Variants in TMEM132B observed in about 807,000 individuals in gnomAD.
The protein encoded by TMEM132B is transmembrane protein 132B.
In TMEM132B, 18 loss-of-function variants were observed where a neutral mutation model predicts 90.8. That is an observed-to-expected ratio of 0.20 (90% CI 0.14 to 0.29). TMEM132B has a LOEUF of 0.29. TMEM132B is among the 10% of genes least tolerant of loss of function. The pLI is 1.00. For missense variants in TMEM132B, 1,096 were observed against 1,326.8 expected (o/e 0.83, Z 2.70); for synonymous variants, 504 against 523.3 (o/e 0.96, Z 0.50).
intron 1 of TMEM132B, among the ~76,000 whole-genome samples, chr12:125,271,675 A>T (rs1782074706): frequency 6.6e-6 from 1 of 152,170 alleles, no homozygotes; most frequent in African/African-American, 2.4e-5. Flanking sequence ...GCATGTGCAC[A>T]GGTAGGAAGA....
chr12:125,622,635 T>G, intron 5 of TMEM132B: 5 of 985,444 alleles, frequency 5.1e-6, no homozygotes, highest in Non-Finnish European at 6.0e-6. Context: ...GAGTGTGAGT[T>G]TAGGTGTCCA....
intron 1 of TMEM132B, among the ~76,000 whole-genome samples, chr12:125,229,564 T>C (rs780135511): frequency 6.6e-6 from 1 of 152,244 alleles, no homozygotes; most frequent in Non-Finnish European, 1.5e-5. Context: ...TATCTATCTA[T>C]CTGTCATCTA....
chr12:125,616,018 A>G (rs1007254350), intron 5 of TMEM132B, among the ~76,000 whole-genome samples: 5 of 152,128 alleles, frequency 3.3e-5, no homozygotes, highest in African/African-American at 1.2e-4. Flanking sequence ...TACATGTGCC[A>G]TGCTGGTGTG....
rs1388987872 is a variant in TMEM132B, at chr12:125,415,269, G to A, written c.960-262G>A. On this transcript the variant is annotated intron_variant, in intron 2 of 8. Coordinates refer to ENST00000682704, the MANE Select transcript of TMEM132B (RefSeq NM_001366854.1). The surrounding 1 kb of genome is among the most constrained non-coding windows in gnomAD (Gnocchi z 5.3). ...GGATCCCTGGAGCAGCAAGTGATCT[G>A]GTTCCCAGCACACTGATTAAACAGA... 1.3e-5 allele frequency among the ~76,000 whole-genome samples: 2 copies of A among 152,196 alleles called. No individual in the cohort carries two copies. Among genetic ancestry groups the A allele is most frequent in the Non-Finnish European group, 2.9e-5 (2 of 68,040 alleles).
At chr12:125,548,448 A>G (rs1439022518) in intron 4 of TMEM132B, among the ~76,000 whole-genome samples, 1 of 152,188 alleles carries the variant, frequency 6.6e-6, no homozygotes. Context: ...TGACCCATTA[A>G]TAGATTGTGA....
At chr12:125,270,936 G>A (rs75054935) in intron 1 of TMEM132B, among the ~76,000 whole-genome samples, 2,802 of 148,198 alleles carry the variant, frequency 0.019, 53 homozygotes, top group Non-Finnish European at 0.027. Context: ...CAGGAACTTG[G>A]GAAACATAGT....
chr12:125,265,261 C>A (rs1454633448), intron 1 of TMEM132B, among the ~76,000 whole-genome samples: 1 of 152,006 alleles, frequency 6.6e-6, no homozygotes, highest in Non-Finnish European at 1.5e-5. Flanking sequence ...ATTGCAAGAT[C>A]CCCAGTGGAC....
intron 4 of TMEM132B, among the ~76,000 whole-genome samples, chr12:125,526,299 A>G (rs1386047787): frequency 6.6e-6 from 1 of 152,212 alleles, no homozygotes; most frequent in African/African-American, 2.4e-5. Context: ...CTCCTCGCAC[A>G]GGGGTTGTCA....
At chr12:125,648,546 CTGT>C (rs1359975471) in intron 6 of TMEM132B, among the ~76,000 whole-genome samples, 2,090 of 85,238 alleles carry the variant, frequency 0.025, 34 homozygotes, top group African/African-American at 0.075. Context: ...TTTTTTTTTT[CTGT>C]TGTTGTTGTT....
intron 2 of TMEM132B, among the ~76,000 whole-genome samples, chr12:125,360,316 A>G (rs1163464442): frequency 6.6e-6 from 1 of 152,242 alleles, no homozygotes. Flanking sequence ...TACAATCTAT[A>G]TATAAGTTAT....
intron 2 of TMEM132B, among the ~76,000 whole-genome samples, chr12:125,357,708 G>A (rs1334455091): frequency 6.6e-6 from 1 of 152,190 alleles, no homozygotes; most frequent in South Asian, 2.1e-4. Context: ...GCCACACTGA[G>A]TCACCACTGG....
Position 125,535,535 on chromosome 12 carries a change from TCTC to T in TMEM132B, c.1293+15913_1293+15915del, listed in dbSNP as rs200840751. ...AAAGCTTTTTTGCCAGGAACACAAT[TCTC>T]CTACTTTTTTGTGAAATTTTTTTAA... is the stretch of plus-strand genomic sequence containing the variant. On this transcript the variant is annotated intron_variant, in intron 4 of 8. Coordinates refer to ENST00000682704, the MANE Select transcript of TMEM132B (RefSeq NM_001366854.1). Among the ~76,000 whole-genome samples, 710 of 152,286 alleles carry T rather than the reference TCTC, an allele frequency of 4.7e-3. 7 individuals are homozygous for T. Among genetic ancestry groups the T allele is most frequent in the African/African-American group, 0.016 (670 of 41,560 alleles).
At chr12:125,216,541 G>A (rs1873442253) in intron 1 of TMEM132B, among the ~76,000 whole-genome samples, 1 of 152,128 alleles carries the variant, frequency 6.6e-6, no homozygotes, top group Admixed American at 6.5e-5. Flanking sequence ...CCTTCTTTGT[G>A]TCTTTGTTGA....
intron 1 of TMEM132B, among the ~76,000 whole-genome samples, chr12:125,348,683 T>C (rs1877450802): frequency 6.6e-6 from 1 of 152,136 alleles, no homozygotes; most frequent in Admixed American, 6.5e-5. Context: ...CCCAGTAAGG[T>C]AGAATTCATG....
At chr12:125,456,121 G>A (rs1881286574) in intron 3 of TMEM132B, among the ~76,000 whole-genome samples, 1 of 152,140 alleles carries the variant, frequency 6.6e-6, no homozygotes, top group African/African-American at 2.4e-5. Flanking sequence ...CCTTAGAGTG[G>A]AGCACCCATC....
chr12:125,232,669 T>C (rs1361695786), intron 1 of TMEM132B, among the ~76,000 whole-genome samples: 1 of 152,186 alleles, frequency 6.6e-6, no homozygotes, highest in Non-Finnish European at 1.5e-5. Flanking sequence ...CAAAGTCACA[T>C]TGTGCATTTT....
intron 1 of TMEM132B, among the ~76,000 whole-genome samples, chr12:125,337,073 C>T (rs1876987343): frequency 6.6e-6 from 1 of 152,216 alleles, no homozygotes; most frequent in African/African-American, 2.4e-5. Context: ...CTGCATCTGG[C>T]ATGGCATGGA....
rs1883118518 is a variant in TMEM132B at position 125,515,546 on chromosome 12, CAT to C, written c.1107-3892_1107-3891del. Among the ~76,000 whole-genome samples the C allele has an allele frequency of 2.0e-5, 3 of 151,152 alleles. No individual in the cohort carries two copies. In the East Asian group the frequency reaches 5.9e-4, roughly 30 times the overall value. On this transcript the variant is annotated intron_variant, in intron 3 of 8. Coordinates refer to ENST00000682704, the MANE Select transcript of TMEM132B (RefSeq NM_001366854.1). The stretch of plus-strand genomic sequence containing the variant: ...CTTCACACATTCTCACGCTCACACA[CAT>C]TCATTCAGTCTGTCTCCCACACTCA...
intron 1 of TMEM132B, among the ~76,000 whole-genome samples, chr12:125,335,403 A>G (rs944564441): frequency 6.6e-6 from 1 of 152,202 alleles, no homozygotes; most frequent in Admixed American, 6.5e-5. Context: ...TTCTACCTCC[A>G]GGCTCCTGGG....
Sources: gnomAD v4.1 joint callset for allele counts (sites outside exome capture counted in the v4.1 genomes callset) on GRCh38, gnomAD v4.1.1 for gene constraint, Gnocchi (gnomAD v3.1) non-coding constraint, MANE v1.5 for transcripts, NCBI Gene and HGNC (gene_info 2026-07-23, HGNC 2026-07-21) for gene names.